The following ENOX1 variants were observed in gnomAD, a reference collection of about 807,000 sequenced individuals.
The protein encoded by ENOX1 is candidate growth-related and time keeping constitutive hydroquinone (NADH) oxidase.
In ENOX1, 42 loss-of-function variants were observed where a neutral mutation model predicts 82.5. The observed-to-expected ratio is 0.51, with a 90% CI of 0.40 to 0.66. ENOX1 has a LOEUF of 0.66. Among genes scored for constraint, ENOX1 ranks in the 30% least tolerant of loss-of-function variants. The pLI is 0.00. For missense variants in ENOX1, 608 were observed against 811.6 expected, an observed-to-expected ratio of 0.75 and a Z score of 3.05; for synonymous variants, 271 against 282.2, an observed-to-expected ratio of 0.96 and a Z score of 0.40.
intron 1 of ENOX1, among the ~76,000 whole-genome samples, chr13:43,705,568 T>C (rs1208363993): frequency 1.3e-5 from 2 of 152,024 alleles, no homozygotes; most frequent in Non-Finnish European, 2.9e-5. Flanking sequence ...AGCCAATGTA[T>C]ATTACCAGAG....
intron 14 of ENOX1, among the ~76,000 whole-genome samples, chr13:43,246,001 A>C (rs1196061889): frequency 6.6e-6 from 1 of 152,198 alleles, no homozygotes; most frequent in Non-Finnish European, 1.5e-5. Flanking sequence ...ATAAAAACTC[A>C]GTGTAGTTTA....
chr13:43,644,958 C>G (rs2083825822), intron 2 of ENOX1, among the ~76,000 whole-genome samples: 1 of 152,134 alleles, frequency 6.6e-6, no homozygotes, highest in South Asian at 2.1e-4. Flanking sequence ...TTCAATTTGT[C>G]ACTGACCACA....
chr13:43,709,412 C>G (rs972061251), intron 1 of ENOX1, among the ~76,000 whole-genome samples: 2 of 151,910 alleles, frequency 1.3e-5, no homozygotes, highest in African/African-American at 4.8e-5. Flanking sequence ...CAGAAGAAAT[C>G]TTAAGAGAAA....
intron 1 of ENOX1, among the ~76,000 whole-genome samples, chr13:43,734,081 G>A (rs1455946803): frequency 1.3e-5 from 2 of 152,152 alleles, no homozygotes; most frequent in South Asian, 2.1e-4. Flanking sequence ...CAAGGACTTC[G>A]GACAAAACAC....
At chr13:43,636,076 T>C (rs2083403249) in intron 2 of ENOX1, among the ~76,000 whole-genome samples, 1 of 151,450 alleles carries the variant, frequency 6.6e-6, no homozygotes, top group South Asian at 2.1e-4. Flanking sequence ...ACTAAGAGAG[T>C]TCTGTCCTAC....
intron 2 of ENOX1, among the ~76,000 whole-genome samples, chr13:43,502,319 A>T (rs1465217742): frequency 6.6e-6 from 1 of 151,722 alleles, no homozygotes; most frequent in Non-Finnish European, 1.5e-5. Context: ...CAATATTCTT[A>T]AACTCTCAAA....
chr13:43,519,848 G>T (rs181516529), intron 2 of ENOX1, among the ~76,000 whole-genome samples: 1 of 152,142 alleles, frequency 6.6e-6, no homozygotes, highest in South Asian at 2.1e-4. Context: ...CAAAGCCCTC[G>T]TCAAGTTTCC....
At chr13:43,782,196 G>A (rs1205992382) in intron 1 of ENOX1, among the ~76,000 whole-genome samples, 2 of 152,168 alleles carry the variant, frequency 1.3e-5, no homozygotes, top group African/African-American at 4.8e-5. Context: ...CATGAAAATA[G>A]GAGAGGGAAG....
At chr13:43,538,134 G>A (rs962678837) in intron 2 of ENOX1, among the ~76,000 whole-genome samples, 6 of 152,208 alleles carry the variant, frequency 3.9e-5, no homozygotes, top group African/African-American at 1.4e-4. Context: ...TAGCCCTCCT[G>A]CCAGGTGTGT....
At chr13:43,407,857 C>T (rs922992656) in intron 5 of ENOX1, among the ~76,000 whole-genome samples, 2 of 152,028 alleles carry the variant, frequency 1.3e-5, no homozygotes, top group Admixed American at 6.6e-5. Flanking sequence ...TGACAACAAA[C>T]ACAAATCAAA....
intron 2 of ENOX1, among the ~76,000 whole-genome samples, chr13:43,623,545 G>A (rs2082836812): frequency 6.6e-6 from 1 of 152,132 alleles, no homozygotes; most frequent in South Asian, 2.1e-4. Context: ...GTGTGTTCGG[G>A]AGAGGATGGT....
chr13:43,769,581 G>A (rs888549470), intron 1 of ENOX1, among the ~76,000 whole-genome samples: 1 of 152,164 alleles, frequency 6.6e-6, no homozygotes, highest in Admixed American at 6.5e-5. Flanking sequence ...GTAACAGACT[G>A]ACTGCAGAGC....
intron 3 of ENOX1, among the ~76,000 whole-genome samples, chr13:43,483,094 A>G (rs1348898682): frequency 1.3e-5 from 2 of 152,218 alleles, no homozygotes; most frequent in Non-Finnish European, 1.5e-5. Flanking sequence ...TAAGAGAGAA[A>G]GCATTTGTCA....
chr13:43,627,886 G>A (rs7328777), intron 2 of ENOX1, among the ~76,000 whole-genome samples: 5,162 of 152,094 alleles, frequency 0.034, 284 homozygotes, highest in African/African-American at 0.12. Flanking sequence ...ACTGGGTTTA[G>A]AATTATGAGT....
intron 11 of ENOX1, among the ~76,000 whole-genome samples, chr13:43,304,980 T>G (rs563319512): frequency 6.6e-6 from 1 of 152,092 alleles, no homozygotes; most frequent in South Asian, 2.1e-4. Context: ...TGCGTTATGC[T>G]GACCTCCCAT....
chr13:43,733,085 C>T (rs1043820263), intron 1 of ENOX1, among the ~76,000 whole-genome samples: 2 of 152,204 alleles, frequency 1.3e-5, no homozygotes, highest in African/African-American at 4.8e-5. Flanking sequence ...AAGGATTAAA[C>T]TCCCTTCATA....
chr13:43,435,782 C>T (rs2055987814), intron 3 of ENOX1, among the ~76,000 whole-genome samples: 1 of 151,936 alleles, frequency 6.6e-6, no homozygotes. Context: ...CCTAAGAGGT[C>T]AATAACTAGA....
intron 2 of ENOX1, among the ~76,000 whole-genome samples, chr13:43,495,621 G>A (rs1271195103): frequency 7.1e-6 from 1 of 141,632 alleles, no homozygotes; most frequent in Non-Finnish European, 1.6e-5. Context: ...TCCAGTATTT[G>A]GCTATTAATA....
chr13:43,654,793 T>C (rs1192988247), intron 2 of ENOX1, among the ~76,000 whole-genome samples: 1 of 152,184 alleles, frequency 6.6e-6, no homozygotes, highest in Non-Finnish European at 1.5e-5. Flanking sequence ...TGCATTTATA[T>C]TCTGAATTCT....
Sources: allele counts gnomAD v4.1 joint callset (sites outside exome capture counted in the v4.1 genomes callset), GRCh38; gene constraint gnomAD v4.1.1; transcripts MANE v1.5; gene names NCBI Gene and HGNC (gene_info 2026-07-23, HGNC 2026-07-21).